SDK1: variants seen among roughly 807,000 people sequenced by gnomAD.
The protein encoded by SDK1 is sidekick cell adhesion molecule 1.
SDK1 carries 157 observed loss-of-function variants against 245.5 expected under a neutral mutation model. The observed-to-expected ratio is 0.64, with a 90% CI of 0.56 to 0.73. The LOEUF is 0.73. Among genes scored for constraint, SDK1 ranks in the 30% least tolerant of loss-of-function variants. The pLI is 0.00. For synonymous variants in SDK1, 1,647 were observed against 1,278.5 expected (o/e 1.29, Z -6.15); for missense variants, 3,583 against 3,002.3 (o/e 1.19, Z -4.52).
chr7:3,535,847 C>A (rs1432106501), intron 1 of SDK1, among the ~76,000 whole-genome samples: 1 of 151,996 alleles, frequency 6.6e-6, no homozygotes, highest in East Asian at 1.9e-4. Context: ...ATCCATGTGT[C>A]AATATTTGCA....
intron 22 of SDK1, among the ~76,000 whole-genome samples, chr7:4,090,599 T>C (rs1262038677): frequency 5.9e-5 from 9 of 152,228 alleles, no homozygotes; most frequent in Admixed American, 3.9e-4. Flanking sequence ...CCATCATTCT[T>C]TGAGCACTTC....
chr7:3,760,865 G>C (rs1780076466), intron 4 of SDK1, among the ~76,000 whole-genome samples: 1 of 152,216 alleles, frequency 6.6e-6, no homozygotes, highest in Admixed American at 6.5e-5. Context: ...GCTGTTGTGT[G>C]AATCAACAGT....
At chr7:3,741,800 A>G (rs1001920450) in intron 4 of SDK1, among the ~76,000 whole-genome samples, 6 of 152,076 alleles carry the variant, frequency 3.9e-5, no homozygotes, top group African/African-American at 1.2e-4. Context: ...ACTTTTCCAC[A>G]TAAACACACA....
chr7:3,444,157 T>C (rs924051583), intron 1 of SDK1, among the ~76,000 whole-genome samples: 1 of 152,210 alleles, frequency 6.6e-6, no homozygotes, highest in Non-Finnish European at 1.5e-5. Context: ...TCTGTCCTTA[T>C]TTATAAGACA....
rs35351161 is a variant in SDK1, at chr7:3,830,810, CT to C, written c.847+9230del. Among the ~76,000 whole-genome samples, 513 of 152,198 alleles carry C rather than the reference CT, an allele frequency of 3.4e-3. 5 individuals carry two copies. Among genetic ancestry groups the C allele is most frequent in the African/African-American group, 0.012 (484 of 41,516 alleles). ...CTGCACCTGGCCTAACAATTTTTAC[CT>C]TTGATTTTGGAACCTAATTTCTTAG... On this transcript the variant is annotated intron_variant, in intron 5 of 44. Coordinates refer to ENST00000404826, the MANE Select transcript of SDK1 (RefSeq NM_152744.4).
At chr7:4,224,171 T>G (rs1785287285) in intron 40 of SDK1, among the ~76,000 whole-genome samples, 1 of 152,192 alleles carries the variant, frequency 6.6e-6, no homozygotes, top group Admixed American at 6.5e-5. Flanking sequence ...GTTCTGTGAC[T>G]CCGTTCTCAC....
intron 1 of SDK1, among the ~76,000 whole-genome samples, chr7:3,562,746 C>CTT (rs1779786565): frequency 6.6e-6 from 1 of 152,204 alleles, no homozygotes. Flanking sequence ...CTCCTATTGC[C>CTT]TTCCCTGAAT....
chr7:3,831,144 T>C (rs1451602908), intron 5 of SDK1, among the ~76,000 whole-genome samples: 2 of 152,230 alleles, frequency 1.3e-5, no homozygotes, highest in African/African-American at 4.8e-5. Flanking sequence ...ATACATCCAT[T>C]ACACAGCTTG....
intron 1 of SDK1, among the ~76,000 whole-genome samples, chr7:3,457,470 A>G (rs369894803): frequency 1.3e-5 from 2 of 152,058 alleles, no homozygotes; most frequent in Admixed American, 1.3e-4. Flanking sequence ...TTGTGGTTCA[A>G]TCATAATGTG....
At chr7:4,133,675 C>T (rs1017164979) in intron 28 of SDK1, among the ~76,000 whole-genome samples, 1 of 152,120 alleles carries the variant, frequency 6.6e-6, no homozygotes, top group African/African-American at 2.4e-5. Flanking sequence ...GAGGCTGGGC[C>T]GGGTCTTGAG....
intron 1 of SDK1, among the ~76,000 whole-genome samples, chr7:3,316,848 T>C (rs948990329): frequency 2.6e-5 from 4 of 152,100 alleles, no homozygotes; most frequent in Admixed American, 1.3e-4. Context: ...CTAGACAGAA[T>C]TGGTGTTTTT....
chr7:3,615,450 C>G (rs1444063831), intron 1 of SDK1, among the ~76,000 whole-genome samples: 1 of 151,726 alleles, frequency 6.6e-6, no homozygotes, highest in Non-Finnish European at 1.5e-5. Context: ...TGGAACAGGA[C>G]AAGGCTCGAC....
intron 4 of SDK1, among the ~76,000 whole-genome samples, chr7:3,658,321 T>A (rs1001890434): frequency 6.6e-6 from 1 of 152,192 alleles, no homozygotes. Flanking sequence ...TGACAGCCCC[T>A]AATATCGAGG....
At chr7:4,137,319 G>A (rs745837075) in intron 28 of SDK1, among the ~76,000 whole-genome samples, 4 of 152,174 alleles carry the variant, frequency 2.6e-5, no homozygotes, top group African/African-American at 7.2e-5. Flanking sequence ...CACCTAAAAC[G>A]TCCGGATAGA....
intron 13 of SDK1, among the ~76,000 whole-genome samples, chr7:3,975,703 G>A (rs567056636): frequency 2.1e-4 from 32 of 152,352 alleles, no homozygotes; most frequent in Non-Finnish European, 4.0e-4. Flanking sequence ...AGTCAGTCCG[G>A]AAGGCCCTGT....
At chr7:3,986,926 C>T (rs148218466) in intron 13 of SDK1, among the ~76,000 whole-genome samples, 65 of 152,262 alleles carry the variant, frequency 4.3e-4, no homozygotes, top group Non-Finnish European at 7.5e-4. Flanking sequence ...TATGTGACAG[C>T]GTCAGTACTT....
intron 2 of SDK1, among the ~76,000 whole-genome samples, chr7:3,638,307 T>A (rs1465801894): frequency 6.6e-6 from 1 of 152,136 alleles, no homozygotes; most frequent in Non-Finnish European, 1.5e-5. Flanking sequence ...GGATTATAAA[T>A]CATGCTGCTA....
chr7:4,083,753 TCCTGTCTC>T (rs1342682594), intron 22 of SDK1, among the ~76,000 whole-genome samples: 3 of 362 alleles, frequency 8.3e-3, no homozygotes, highest in African/African-American at 0.021. Flanking sequence ...TTCCTTTACT[TCCTGTCTC>T]CCTCCCTCCC....
chr7:3,313,674 G>A (rs1186198087), intron 1 of SDK1, among the ~76,000 whole-genome samples: 2 of 152,124 alleles, frequency 1.3e-5, no homozygotes, highest in Admixed American at 6.5e-5. Flanking sequence ...CAGTAGGGAC[G>A]GGTTTGGGAG....
Sources: gnomAD v4.1 joint callset for allele counts (sites outside exome capture counted in the v4.1 genomes callset) on GRCh38, gnomAD v4.1.1 for gene constraint, MANE v1.5 for transcripts, NCBI Gene and HGNC (gene_info 2026-07-23, HGNC 2026-07-21) for gene names.